Variants in GNPAT observed in about 807,000 individuals in gnomAD.
GNPAT encodes glyceronephosphate O-acyltransferase.
Under a neutral mutation model 78.4 loss-of-function variants are expected in GNPAT, and 30 were observed. The observed-to-expected ratio is 0.38, with a 90% CI of 0.29 to 0.52. The LOEUF is 0.52. Among genes scored for constraint, GNPAT ranks in the 20% least tolerant of loss-of-function variants. GNPAT has a pLI of 0.84. For missense variants in GNPAT, 714 were observed against 812.2 expected, an observed-to-expected ratio of 0.88 and a Z score of 1.47; for synonymous variants, 271 against 281.1, an observed-to-expected ratio of 0.96 and a Z score of 0.36.
At chr1:231,250,848 G>T in intron 1 of GNPAT, 113 bp from the exon 2 acceptor site, 2 of 733,646 alleles carry the variant, frequency 2.7e-6, no homozygotes, top group South Asian at 2.9e-5. Flanking sequence ...CTCTGCTCCT[G>T]TTCACGTCAT....
At chr1:231,254,747 C>T (rs898305277) in intron 2 of GNPAT, among the ~76,000 whole-genome samples, 10 of 151,152 alleles carry the variant, frequency 6.6e-5, no homozygotes, top group African/African-American at 1.7e-4. Flanking sequence ...TGCGTCCGGC[C>T]GAAAAAAATT....
At chr1:231,245,222 T>C (rs1026983538) in intron 1 of GNPAT, among the ~76,000 whole-genome samples, 3 of 152,124 alleles carry the variant, frequency 2.0e-5, no homozygotes, top group African/African-American at 7.2e-5. Flanking sequence ...TTTTCTTTTT[T>C]TGTTGTTGTT....
chr1:231,269,196 C>T (rs1685480469), intron 9 of GNPAT, among the ~76,000 whole-genome samples: 1 of 152,116 alleles, frequency 6.6e-6, no homozygotes, highest in Admixed American at 6.5e-5. Context: ...CCTGAGAGTG[C>T]TGCAGAGGAA....
intron 1 of GNPAT, among the ~76,000 whole-genome samples, chr1:231,248,674 AACAC>A (rs969150807): frequency 2.6e-4 from 40 of 152,198 alleles, no homozygotes; most frequent in Non-Finnish European, 7.4e-5. Flanking sequence ...CACACACACA[AACAC>A]ACACAGAGTC....
chr1:231,247,851 G>C (rs1359727073), intron 1 of GNPAT, among the ~76,000 whole-genome samples: 1 of 152,198 alleles, frequency 6.6e-6, no homozygotes, highest in Non-Finnish European at 1.5e-5. Context: ...ATGGTCATGA[G>C]GCAGGAGGTG....
chr1:231,260,483 T>G (rs761078610), intron 2 of GNPAT, 24 bp from the exon 3 acceptor site: 1 of 1,554,152 alleles, frequency 6.4e-7, no homozygotes, highest in Non-Finnish European at 8.9e-7. Flanking sequence ...TTAGAAATTA[T>G]TCCTGCTTTT....
chr1:231,241,228 G>A lies in GNPAT; in HGVS notation c.-151G>A. ...GCGCGGCTTCCGTCCTGGCTGAGAT[G>A]GCGGCGCCCGGGATCCTGTGTAGCG... On this transcript the variant is annotated 5_prime_UTR_variant, in exon 1 of 16. It removes an upstream start codon present in the reference 5' UTR. Transcript: ENST00000366647. The A allele has an allele frequency of 1.3e-6, 2 of 1,491,014 alleles. No homozygotes were observed. Among genetic ancestry groups the A allele is most frequent in the Non-Finnish European group, 1.9e-6 (2 of 1,071,942 alleles). The allele number at this position is 1,491,014 out of a possible 1,614,324, so 92.4% of individuals were successfully genotyped here. A position where few individuals can be genotyped will look rare whatever the true frequency, so the allele number is the denominator to read the frequency against.
In GNPAT at chr1:231,250,954, T is replaced by G; in HGVS notation, c.79-7T>G. On this transcript the variant is annotated splice_polypyrimidine_tract_variant and splice_region_variant and intron_variant, in intron 1 of 15. Coordinates refer to ENST00000366647, the MANE Select transcript of GNPAT (RefSeq NM_014236.4). ...ATGTGCTCATTACTTTCTTGCCTTA[T>G]CCACAGAAGGAGCTCAAAAAGTGGG... 1 of 1,586,704 alleles carries G rather than the reference T, an allele frequency of 6.3e-7. No individual in the cohort carries two copies. The highest frequency in any genetic ancestry group is 8.7e-7 in the Non-Finnish European group (1 of 1,155,960).
chr1:231,255,801 C>G (rs774147369), intron 2 of GNPAT, among the ~76,000 whole-genome samples: 1 of 152,194 alleles, frequency 6.6e-6, no homozygotes, highest in Non-Finnish European at 1.5e-5. Flanking sequence ...ACTCAACTTG[C>G]TGGAATCCAG....
chr1:231,272,180 A>T, intron 10 of GNPAT, 132 bp from the exon 11 acceptor site: 1 of 663,556 alleles, frequency 1.5e-6, no homozygotes. Context: ...CCCTCAGGGG[A>T]CTTAATTCTT....
At chr1:231,264,899 G>A (rs113234019) in intron 4 of GNPAT, among the ~76,000 whole-genome samples, 4 of 152,222 alleles carry the variant, frequency 2.6e-5, no homozygotes, top group African/African-American at 9.7e-5. Flanking sequence ...CTTGTAAAGG[G>A]AGTGGTGCAT....
intron 3 of GNPAT, 38 bp from the exon 4 acceptor site, chr1:231,262,685 C>A: frequency 2.6e-6 from 4 of 1,537,958 alleles, no homozygotes; most frequent in Non-Finnish European, 3.6e-6. Context: ...GATAACATGA[C>A]AACTGAAATT....
intron 9 of GNPAT, 96 bp from the exon 10 acceptor site, chr1:231,270,662 C>A: frequency 1.7e-6 from 2 of 1,167,746 alleles, no homozygotes; most frequent in Non-Finnish European, 2.6e-6. Flanking sequence ...TGAAAATGAG[C>A]ATCTGTCACG....
chr1:231,259,598 G>T (rs1428819601), intron 2 of GNPAT, among the ~76,000 whole-genome samples: 1 of 144,390 alleles, frequency 6.9e-6, no homozygotes, highest in East Asian at 2.0e-4. Flanking sequence ...GGTGAGCCGA[G>T]ATTGCACCAT....
rs1416916412 is a variant in GNPAT, at chr1:231,260,532, T to C, written c.287T>C (p.Val96Ala). 6.2e-7 allele frequency: 1 copy of C among 1,609,758 alleles called. No individual in the cohort carries two copies. The highest frequency in any genetic ancestry group is 1.3e-5 in the African/African-American group (1 of 74,850). ...CTTTCCAAGGAATCCCTTCAATCTGTGGATGTCCTCCGAGAGGAAGTGAGT... is the reference window on the plus strand; with the variant it reads ...CTTTCCAAGGAATCCCTTCAATCTGCGGATGTCCTCCGAGAGGAAGTGAGT... Reference protein sequence around the residue: ...KQLSKESLQSVDVLREEVSEI... With the variant: ...KQLSKESLQSADVLREEVSEI... The change falls in exon 3 of 16, where the codon GTG becomes GCG. Residue 96 changes from valine (V) to alanine (A), a missense_variant. By Grantham distance (64) the Val-to-Ala change is moderately conservative. Transcript: ENST00000366647.
At chr1:231,271,924 A>G (rs1446732611) in intron 10 of GNPAT, among the ~76,000 whole-genome samples, 1 of 152,168 alleles carries the variant, frequency 6.6e-6, no homozygotes, top group African/African-American at 2.4e-5. Flanking sequence ...AACATGGTGA[A>G]ACCCTGTCTC....
At chr1:231,272,983 A>G (rs1685609782) in intron 11 of GNPAT, among the ~76,000 whole-genome samples, 1 of 152,170 alleles carries the variant, frequency 6.6e-6, no homozygotes, top group Admixed American at 6.5e-5. Flanking sequence ...TCAAAAAAAA[A>G]GAAACCAAAC....
chr1:231,275,062 C>A (rs1326217024), intron 12 of GNPAT, 159 bp from the exon 13 acceptor site: 32 of 613,602 alleles, frequency 5.2e-5, no homozygotes, highest in South Asian at 4.8e-4. Flanking sequence ...CCTAAAAATT[C>A]TTTGGTTTTT....
chr1:231,253,190 C>T (rs1684948724), intron 2 of GNPAT, among the ~76,000 whole-genome samples: 1 of 151,936 alleles, frequency 6.6e-6, no homozygotes, highest in Non-Finnish European at 1.5e-5. Flanking sequence ...AGGATGGTCT[C>T]GATCTCCTGA....
Sources: gnomAD v4.1 joint callset for allele counts (sites outside exome capture counted in the v4.1 genomes callset) on GRCh38, gnomAD v4.1.1 for gene constraint, MANE v1.5 for transcripts, NCBI Gene and HGNC (gene_info 2026-07-23, HGNC 2026-07-21) for gene names.